F3: variants seen among roughly 807,000 people sequenced by gnomAD.
The protein encoded by F3 is tissue factor.
F3 carries 18 observed loss-of-function variants against 33.5 expected under a neutral mutation model. The ratio of observed to expected loss-of-function variants is 0.54; its 90% confidence interval spans 0.37 to 0.80. The LOEUF (loss-of-function observed/expected upper bound fraction) is 0.80, where lower values mean the gene tolerates loss of function less well. Among genes scored for constraint, F3 ranks in the 30% least tolerant of loss-of-function variants. F3 has a pLI of 0.00. For synonymous variants in F3, 147 were observed against 140.7 expected (o/e 1.05, Z -0.32); for missense variants, 353 against 362.1 (o/e 0.97, Z 0.20).
intron 4 of F3, 48 bp downstream of exon 4, chr1:94,533,042 T>A: frequency 1.9e-6 from 3 of 1,562,596 alleles, no homozygotes; most frequent in Non-Finnish European, 2.6e-6. Context: ...AAAACCCAAG[T>A]ATTCACAATT....
chr1:94,537,049 T>C (rs1651628652), intron 2 of F3, among the ~76,000 whole-genome samples: 1 of 152,200 alleles, frequency 6.6e-6, no homozygotes, highest in Admixed American at 6.5e-5. Context: ...TGCCCCATTA[T>C]ACTACATGCC....
At chr1:94,540,167 T>C (rs1651730483) in intron 2 of F3, 90 bp downstream of exon 2, 3 of 846,460 alleles carry the variant, frequency 3.5e-6, no homozygotes, top group Non-Finnish European at 5.8e-6. Flanking sequence ...AATAATTTCA[T>C]CCAGTAATCA....
rs1651494767 is a variant in F3, at chr1:94,533,418, G to A, written c.413-150C>T. ...CTGAAAGAAGCAGGCGTGGCGGCCT[G>A]GAGCTGAATCCTAAGACATTCTGTG... On this transcript the variant is annotated intron_variant, in intron 3 of 5. Transcript: ENST00000334047. The A allele has an allele frequency of 3.4e-6, 3 of 883,042 alleles. No homozygotes were observed. In the African/African-American group the frequency reaches 5.2e-5, roughly 15 times the overall value. 54.7% of individuals were successfully genotyped at this position (883,042 alleles called of 1,614,324 possible). A position where few individuals can be genotyped will look rare whatever the true frequency, so the allele number is the denominator to read the frequency against.
At chr1:94,541,060 C>G (rs1651758870) in intron 1 of F3, 1 of 153,876 alleles carries the variant, frequency 6.5e-6, no homozygotes, top group Non-Finnish European at 1.4e-5. Context: ...ATTGCCTCTA[C>G]CCAAACCTAG....
At chr1:94,535,726 G>C (rs1651583852) in intron 3 of F3, among the ~76,000 whole-genome samples, 1 of 152,092 alleles carries the variant, frequency 6.6e-6, no homozygotes, top group African/African-American at 2.4e-5. Context: ...GACAGTAACA[G>C]GGTCTGGGGA....
chr1:94,539,745 G>A (rs1197274471), intron 2 of F3, among the ~76,000 whole-genome samples: 2 of 152,152 alleles, frequency 1.3e-5, no homozygotes, highest in East Asian at 1.9e-4. Flanking sequence ...AGTGAGTCAC[G>A]CATTTGGCCT....
At position 94,530,437 on chromosome 1, in the gene F3, C is replaced by T. The variant is rs1160268204; in HGVS notation, c.*23G>A. On this transcript the variant is annotated 3_prime_UTR_variant, in exon 6 of 6. Transcript: ENST00000334047. ...CGGTCACAGTGCAATATAGCATTTG[C>T]AGTAGCTCCAACAGTGCTTCCTTTA... 1.9e-6 allele frequency: 3 copies of T among 1,613,710 alleles called. No individual in the cohort carries two copies. Among genetic ancestry groups the T allele is most frequent in the Non-Finnish European group, 2.5e-6 (3 of 1,179,952 alleles).
chr1:94,540,378 A>G lies in F3; in HGVS notation c.101-10T>C. ...ACAGTATTTGTAGTGCCTTTAAACA[A>G]CAGAGAAACAGCTATTATTACATGC... On this transcript the variant is annotated splice_polypyrimidine_tract_variant and intron_variant, in intron 1 of 5. Transcript: ENST00000334047. The G allele has an allele frequency of 2.5e-6, 4 of 1,569,630 alleles. No homozygotes were observed. The highest frequency in any genetic ancestry group is 3.5e-6 in the Non-Finnish European group (4 of 1,140,618).
chr1:94,536,725 T>G (rs1046512226), intron 2 of F3, among the ~76,000 whole-genome samples: 3 of 152,218 alleles, frequency 2.0e-5, no homozygotes, highest in Non-Finnish European at 2.9e-5. Flanking sequence ...TTGTTTACTA[T>G]AGTCTACTTA....
intron 5 of F3, among the ~76,000 whole-genome samples, chr1:94,531,857 C>T (rs534522372): frequency 6.6e-6 from 1 of 152,178 alleles, no homozygotes; most frequent in Non-Finnish European, 1.5e-5. Flanking sequence ...CAATCCCTTC[C>T]CTTGATGGGT....
intron 5 of F3, among the ~76,000 whole-genome samples, chr1:94,531,292 T>C (rs1235452308): frequency 2.4e-5 from 3 of 125,104 alleles, no homozygotes; most frequent in Admixed American, 2.1e-4. Context: ...TCATTTCTTT[T>C]TTCGTTGTTT....
chr1:94,530,543 T>G lies in F3; in HGVS notation c.805A>C (p.Ile269Leu). ...CACTTGTGTAGAGATATAGCCAGGA[T>G]GATGACAAGGATGATGACCACAAAT... ...VVFVVIILVI[I>L]LAISLHKCRK... The change falls in exon 6 of 6, where the codon ATC becomes CTC. Residue 269 changes from isoleucine to leucine, a missense_variant. Transcript: ENST00000334047. 2 of 1,614,106 alleles carry G rather than the reference T, an allele frequency of 1.2e-6. No individual in the cohort carries two copies. The highest frequency in any genetic ancestry group is 1.7e-6 in the Non-Finnish European group (2 of 1,179,992).
chr1:94,539,066 A>T (rs1651694154), intron 2 of F3, among the ~76,000 whole-genome samples: 1 of 152,212 alleles, frequency 6.6e-6, no homozygotes, highest in Admixed American at 6.5e-5. Flanking sequence ...GGAGGTAAGC[A>T]TTCCTCCCAA....
At position 94,536,089 on chromosome 1, in the gene F3, C is replaced by G. The variant is rs745543730; in HGVS notation, c.288G>C (p.Val96=). 10 of 1,614,160 alleles carry G rather than the reference C, an allele frequency of 6.2e-6. No individual in the cohort carries two copies. In the South Asian group the frequency reaches 1.1e-4, roughly 18 times the overall value. The change falls in exon 3 of 6, where the codon GTG becomes GTC. Residue 96 remains valine (V), a synonymous_variant. Transcript: ENST00000334047. Reference sequence around the variant, plus strand: ...CCAAGTACGTCTGCTTCACATCCTTCACAATCTCGTCGGTGAGGTCACACT... The same window carrying G: ...CCAAGTACGTCTGCTTCACATCCTTGACAATCTCGTCGGTGAGGTCACACT... ...DTECDLTDEI[V]KDVKQTYLAR...
intron 2 of F3, among the ~76,000 whole-genome samples, chr1:94,537,384 C>T (rs1290767758): frequency 1.3e-5 from 2 of 152,194 alleles, no homozygotes; most frequent in African/African-American, 4.8e-5. Flanking sequence ...CCCAACTCCA[C>T]CTGCTCCAGG....
intron 3 of F3, among the ~76,000 whole-genome samples, chr1:94,533,927 C>T (rs770828475): frequency 1.5e-4 from 22 of 151,638 alleles, no homozygotes; most frequent in South Asian, 2.1e-4. Context: ...AGTGCAGTGG[C>T]GCAATCTCAG....
chr1:94,535,259 T>C (rs888045568), intron 3 of F3, among the ~76,000 whole-genome samples: 3 of 152,184 alleles, frequency 2.0e-5, no homozygotes, highest in Admixed American at 6.5e-5. Context: ...TTTATCTAAA[T>C]TGCCTAGCTC....
chr1:94,540,602 T>C (rs3748017), intron 1 of F3: 9,052 of 447,970 alleles, frequency 0.02, 400 homozygotes, highest in African/African-American at 0.11. Context: ...GCAAGGATCT[T>C]GACATTTTCG....
intron 4 of F3, chr1:94,532,880 G>T (rs1651471421): frequency 3.4e-6 from 2 of 588,672 alleles, no homozygotes; most frequent in Non-Finnish European, 2.9e-6. Flanking sequence ...TCTCCGAGGG[G>T]GCCCTGCCCA....
Sources: gnomAD v4.1 joint callset for allele counts (sites outside exome capture counted in the v4.1 genomes callset) on GRCh38, gnomAD v4.1.1 for gene constraint, MANE v1.5 for transcripts, NCBI Gene and HGNC (gene_info 2026-07-23, HGNC 2026-07-21) for gene names.